The following AKAP6 variants were observed in gnomAD, a reference collection of about 807,000 sequenced individuals.
The protein encoded by AKAP6 is A-kinase anchoring protein 6.
A neutral mutation model predicts 188.5 loss-of-function variants in AKAP6; 58 were observed. The ratio of observed to expected loss-of-function variants is 0.31; its 90% CI spans 0.25 to 0.38. AKAP6 has a LOEUF of 0.38. Among genes scored for constraint, AKAP6 ranks in the 10% least tolerant of loss-of-function variants. AKAP6 has a pLI of 1.00. For synonymous variants in AKAP6, 989 were observed against 998.6 expected (o/e 0.99, Z 0.18); for missense variants, 2,710 against 2,740.0 (o/e 0.99, Z 0.24).
chr14:32,462,441 A>C (rs7143408), intron 2 of AKAP6, among the ~76,000 whole-genome samples: 2,038 of 151,914 alleles, frequency 0.013, 46 homozygotes, highest in African/African-American at 0.046. Context: ...TTCATAAAGA[A>C]AATTTTCAAC....
At chr14:32,663,896 G>A (rs565957641) in intron 7 of AKAP6, among the ~76,000 whole-genome samples, 6 of 152,160 alleles carry the variant, frequency 3.9e-5, no homozygotes, top group Non-Finnish European at 5.9e-5. Context: ...ATAAGGGGGG[G>A]AAATAGTATA....
chr14:32,330,413 G>C (rs1200684874), intron 1 of AKAP6, among the ~76,000 whole-genome samples: 1 of 151,982 alleles, frequency 6.6e-6, no homozygotes, highest in Non-Finnish European at 1.5e-5. Flanking sequence ...GACAGTGTCA[G>C]ATAAGGAGCA....
intron 9 of AKAP6, among the ~76,000 whole-genome samples, chr14:32,716,717 A>G (rs2030229344): frequency 6.8e-6 from 1 of 147,524 alleles, no homozygotes; most frequent in South Asian, 2.2e-4. Flanking sequence ...TTACCTTTCT[A>G]ATGACTTCAC....
At chr14:32,361,508 G>T (rs1887664257) in intron 1 of AKAP6, among the ~76,000 whole-genome samples, 1 of 152,118 alleles carries the variant, frequency 6.6e-6, no homozygotes. Flanking sequence ...AGTAAGTAGT[G>T]AATCAGGGGA....
At chr14:32,418,518 A>G (rs1019830255) in intron 1 of AKAP6, among the ~76,000 whole-genome samples, 19 of 152,182 alleles carry the variant, frequency 1.2e-4, no homozygotes, top group African/African-American at 4.3e-4. Flanking sequence ...AGGGGAGAGA[A>G]TATGGGTTGA....
chr14:32,705,378 C>A (rs1230813647), intron 9 of AKAP6, among the ~76,000 whole-genome samples: 1 of 151,794 alleles, frequency 6.6e-6, no homozygotes, highest in Non-Finnish European at 1.5e-5. Context: ...GAGAAGAAAT[C>A]CAGAAAAGGG....
chr14:32,667,929 T>C (rs1889020232), intron 7 of AKAP6, among the ~76,000 whole-genome samples: 1 of 152,154 alleles, frequency 6.6e-6, no homozygotes, highest in African/African-American at 2.4e-5. Context: ...TTTGCCAGCA[T>C]AATTGTACTT....
In AKAP6 at chr14:32,822,535, G is replaced by A. The variant is rs1315715199; in HGVS notation, c.4722G>A (p.Gly1574=). The change falls in exon 13 of 14, where the codon GGG becomes GGA. Residue 1574 remains glycine, a synonymous_variant. Transcript: ENST00000280979. ...CATCTATTGAGTCCCTTTCTCCAGG[G>A]GGTGATTTATTTGGATTGGGCATCT... ...HSSSIESLSP[G]GDLFGLGIFK... 1 of 1,613,994 alleles carries A rather than the reference G, an allele frequency of 6.2e-7. No individual in the cohort carries two copies. The highest frequency in any genetic ancestry group is 8.5e-7 in the Non-Finnish European group (1 of 1,179,956).
chr14:32,508,711 T>G (rs1338449670), intron 2 of AKAP6, among the ~76,000 whole-genome samples: 1 of 152,234 alleles, frequency 6.6e-6, no homozygotes, highest in Non-Finnish European at 1.5e-5. Flanking sequence ...TGTTATTGAG[T>G]TAGAAAAACA....
intron 12 of AKAP6, among the ~76,000 whole-genome samples, chr14:32,792,976 C>G (rs1487465280): frequency 6.6e-6 from 1 of 152,146 alleles, no homozygotes; most frequent in Non-Finnish European, 1.5e-5. Flanking sequence ...CAAGCAAATG[C>G]TGAGGGAATT....
At chr14:32,697,271 A>G (rs896935527) in intron 9 of AKAP6, among the ~76,000 whole-genome samples, 5 of 152,188 alleles carry the variant, frequency 3.3e-5, no homozygotes, top group African/African-American at 9.6e-5. Flanking sequence ...AAGAGAAGAT[A>G]TAAGCTCCCC....
rs377597467 is a variant in AKAP6, at chr14:32,630,881, G to T, written c.2730+30089G>T. On this transcript the variant is annotated intron_variant, in intron 7 of 13. Transcript: ENST00000280979. ...AACTATCTTACCACCAAATGACAAG[G>T]TTGGCTAACATTCTGATGTAGTCAG... Among the ~76,000 whole-genome samples the T allele has an allele frequency of 9.2e-5, 14 of 152,056 alleles. No homozygotes were observed. The East Asian group carries it at 2.3e-3, about 25-fold the overall frequency.
chr14:32,491,316 C>T (rs1880001091), intron 2 of AKAP6, among the ~76,000 whole-genome samples: 1 of 152,200 alleles, frequency 6.6e-6, no homozygotes, highest in Non-Finnish European at 1.5e-5. Context: ...TCCTTTCCAT[C>T]TCCACTGCCT....
intron 7 of AKAP6, among the ~76,000 whole-genome samples, chr14:32,640,590 A>G (rs988112301): frequency 2.0e-5 from 3 of 152,206 alleles, no homozygotes; most frequent in Non-Finnish European, 4.4e-5. Flanking sequence ...TTCTTAAAAT[A>G]AGCCAGTTAT....
At chr14:32,353,631 T>G (rs1487449248) in intron 1 of AKAP6, among the ~76,000 whole-genome samples, 1 of 151,974 alleles carries the variant, frequency 6.6e-6, no homozygotes, top group Non-Finnish European at 1.5e-5. Flanking sequence ...GAGAAAGAAA[T>G]AAAGGAGATT....
rs964943250 is a variant in AKAP6, at chr14:32,837,295, C to T, written c.*7490C>T. ...TGAAATTATTAAAACATTTCTTTGTCCTTACTTAAACCTAACCTGCCATTT... is the reference window on the plus strand; with the variant it reads ...TGAAATTATTAAAACATTTCTTTGTTCTTACTTAAACCTAACCTGCCATTT... On this transcript the variant is annotated 3_prime_UTR_variant, in exon 14 of 14. Coordinates refer to ENST00000280979, the MANE Select transcript of AKAP6 (RefSeq NM_004274.5). The T allele has an allele frequency of 6.6e-6, 1 of 152,138 alleles. No homozygotes were observed. Among genetic ancestry groups the T allele is most frequent in the African/African-American group, 2.4e-5 (1 of 41,410 alleles). The allele number at this position is 152,138 out of a possible 1,614,324, so 9.4% of individuals were successfully genotyped here.
rs1281858790 is a variant in AKAP6, at chr14:32,832,852, TC to T, written c.*3048del. ...TCATCATCTCCCAACCACTGTTTCCTCAACTGCCCTTCATATGTCATGGTTT... is the reference window on the plus strand; with the variant it reads ...TCATCATCTCCCAACCACTGTTTCCTAACTGCCCTTCATATGTCATGGTTT... On this transcript the variant is annotated 3_prime_UTR_variant, in exon 14 of 14. Coordinates refer to ENST00000280979, the MANE Select transcript of AKAP6 (RefSeq NM_004274.5). 2.6e-5 allele frequency: 4 copies of T among 152,644 alleles called. No individual in the cohort carries two copies. The highest frequency in any genetic ancestry group is 4.4e-5 in the Non-Finnish European group (3 of 68,042). 9.5% of individuals were successfully genotyped at this position (152,644 alleles called of 1,614,324 possible).
intron 5 of AKAP6, among the ~76,000 whole-genome samples, chr14:32,590,573 G>A (rs1179845225): frequency 3.3e-5 from 5 of 152,152 alleles, no homozygotes; most frequent in East Asian, 1.9e-4. Context: ...ATCATCAAAC[G>A]ATAACTGAGC....
At chr14:32,505,675 A>T (rs1880835772) in intron 2 of AKAP6, among the ~76,000 whole-genome samples, 1 of 152,112 alleles carries the variant, frequency 6.6e-6, no homozygotes, top group Non-Finnish European at 1.5e-5. Flanking sequence ...GTTACATGCA[A>T]AATGTATATT....
Sources: allele counts gnomAD v4.1 joint callset (sites outside exome capture counted in the v4.1 genomes callset), GRCh38; gene constraint gnomAD v4.1.1; transcripts MANE v1.5; gene names NCBI Gene and HGNC (gene_info 2026-07-23, HGNC 2026-07-21).